Variants in FAM184B observed in about 807,000 individuals in gnomAD.
FAM184B encodes the protein family with sequence similarity 184 member B, also known as protein FAM184B.
A neutral mutation model predicts 135.9 loss-of-function variants in FAM184B; 111 were observed. The ratio of observed to expected loss-of-function variants is 0.82; its 90% CI spans 0.70 to 0.96. The LOEUF (loss-of-function observed/expected upper bound fraction) is 0.96. FAM184B is among the 40% of genes least tolerant of loss of function. FAM184B has a pLI of 0.00. For missense variants in FAM184B, 1,375 were observed against 1,323.9 expected (o/e 1.04, Z -0.60); for synonymous variants, 552 against 524.8 (o/e 1.05, Z -0.71).
At chr4:17,770,849 T>C (rs1411286659) in intron 1 of FAM184B, among the ~76,000 whole-genome samples, 1 of 152,190 alleles carries the variant, frequency 6.6e-6, no homozygotes, top group Non-Finnish European at 1.5e-5. Context: ...ATAATTCTCA[T>C]ACCAGGAGAT....
chr4:17,647,874 G>C (rs923273367), intron 11 of FAM184B, 83 bp from the exon 12 acceptor site: 1 of 1,410,112 alleles, frequency 7.1e-7, no homozygotes, highest in African/African-American at 1.4e-5. Context: ...TCTGGGGTGG[G>C]GTTGGATGAC....
intron 1 of FAM184B, among the ~76,000 whole-genome samples, chr4:17,739,885 T>C (rs1438360096): frequency 1.3e-5 from 2 of 152,120 alleles, no homozygotes; most frequent in Non-Finnish European, 2.9e-5. Flanking sequence ...TGTCTACATC[T>C]GGACTTCTTT....
chr4:17,730,846 T>A (rs1430882187), intron 1 of FAM184B, among the ~76,000 whole-genome samples: 4 of 151,722 alleles, frequency 2.6e-5, no homozygotes, highest in African/African-American at 9.7e-5. Context: ...TGAAAAAAAA[T>A]TAGATGATTG....
At chr4:17,695,034 C>A (rs866721704) in intron 5 of FAM184B, among the ~76,000 whole-genome samples, 1 of 152,114 alleles carries the variant, frequency 6.6e-6, no homozygotes, top group African/African-American at 2.4e-5. Flanking sequence ...AGAGGAGCTG[C>A]CATGGCTAGA....
Position 17,781,467 on chromosome 4 carries a change from C to T in FAM184B, c.-168G>A, listed in dbSNP as rs542509496. The T allele has an allele frequency of 7.3e-5, 56 of 767,454 alleles. No homozygotes were observed. In the African/African-American group the frequency reaches 9.8e-4, roughly 13 times the overall value. The allele number at this position is 767,454 out of a possible 1,614,324, so 47.5% of individuals were successfully genotyped here. A position where few individuals can be genotyped will look rare whatever the true frequency, so the allele number is the denominator to read the frequency against. ...CCCAGCTTCCCGAAGGTCTCCGCCT[C>T]CCGGGCCCACCCGCGCGCCCACCCT... is the stretch of plus-strand genomic sequence containing the variant. On this transcript the variant is annotated 5_prime_UTR_variant, in exon 1 of 18. Transcript: ENST00000265018. This position sits in a 1 kb window ranked among gnomAD's most constrained non-coding sequence, Gnocchi z 6.5.
At chr4:17,653,620 C>A (rs1715694092) in intron 10 of FAM184B, among the ~76,000 whole-genome samples, 1 of 152,078 alleles carries the variant, frequency 6.6e-6, no homozygotes, top group African/African-American at 2.4e-5. Context: ...GTGTGTCAAA[C>A]ACCCAAAGCA....
chr4:17,701,371 A>C (rs1398416803), intron 5 of FAM184B, among the ~76,000 whole-genome samples: 4 of 152,194 alleles, frequency 2.6e-5, no homozygotes, highest in African/African-American at 9.7e-5. Context: ...ATCCAACTTT[A>C]GTTGTGTTCT....
chr4:17,781,284 T>C lies in FAM184B; in HGVS notation c.16A>G (p.Asn6Asp), dbSNP rs1373300957. Residue 6 changes from asparagine (N) to aspartate (D), a missense_variant, in exon 1 of 18, where the codon AAC (asparagine) becomes GAC (aspartate). Physicochemically the swap from Asn to Asp is conservative, Grantham distance 23. Transcript: ENST00000265018. The surrounding 1 kb of genome is among the most constrained non-coding windows in gnomAD (Gnocchi z 6.5). The stretch of plus-strand genomic sequence containing the variant: ...GTGCCGGGCGGGTTAATTTTGCTGT[T>C]GAGAGCAGAAGCCATCGCTAAAACG... MASAL[N>D]SKINPPGTCQ... 2.7e-5 allele frequency: 42 copies of C among 1,548,088 alleles called. No individual in the cohort carries two copies. Among genetic ancestry groups the C allele is most frequent in the Non-Finnish European group, 3.5e-5 (40 of 1,145,070 alleles).
Position 17,630,313 on chromosome 4 carries a change from G to T in FAM184B, c.*2219C>A, listed in dbSNP as rs1714886182. ...TCATATGTTGGAACCTAATGTCAAT[G>T]TAATAGTATTAAGAGGTGGGGCTTT... On this transcript the variant is annotated 3_prime_UTR_variant, in exon 18 of 18. Transcript: ENST00000265018. 6.6e-6 allele frequency: 1 copy of T among 152,214 alleles called. No individual in the cohort carries two copies. Among genetic ancestry groups the T allele is most frequent in the Non-Finnish European group, 1.5e-5 (1 of 68,052 alleles). 9.4% of individuals were successfully genotyped at this position (152,214 alleles called of 1,614,324 possible). A position where few individuals can be genotyped will look rare whatever the true frequency, so the allele number is the denominator to read the frequency against.
At chr4:17,730,537 G>A (rs1237125150) in intron 1 of FAM184B, among the ~76,000 whole-genome samples, 1 of 152,200 alleles carries the variant, frequency 6.6e-6, no homozygotes, top group African/African-American at 2.4e-5. Flanking sequence ...TACCCACAAA[G>A]GGAAGCCCAT....
At chr4:17,685,511 T>C (rs1242167055) in intron 7 of FAM184B, among the ~76,000 whole-genome samples, 1 of 142,720 alleles carries the variant, frequency 7.0e-6, no homozygotes, top group Non-Finnish European at 1.5e-5. Context: ...ATCATGCCAT[T>C]GCACTCCAGC....
At chr4:17,758,668 G>T (rs1467732798) in intron 1 of FAM184B, among the ~76,000 whole-genome samples, 2 of 152,212 alleles carry the variant, frequency 1.3e-5, no homozygotes, top group Admixed American at 1.3e-4. Flanking sequence ...AGAAAAAGAG[G>T]TGATAAATAA....
At position 17,635,003 on chromosome 4, in the gene FAM184B, A is replaced by G. The variant is rs1410688651; in HGVS notation, c.2889+6T>C. On this transcript the variant is annotated splice_donor_region_variant and intron_variant, in intron 16 of 17. Transcript: ENST00000265018. ...TAATGCATTAAAACCATTAGAACCA[A>G]TTTACCTTCATGGAAGGGGTCAAAT... is the stretch of plus-strand genomic sequence containing the variant. The G allele has an allele frequency of 5.2e-6, 8 of 1,548,524 alleles. No individual in the cohort carries two copies. Among genetic ancestry groups the G allele is most frequent in the South Asian group, 1.2e-5 (1 of 83,978 alleles).
intron 1 of FAM184B, among the ~76,000 whole-genome samples, chr4:17,771,695 A>G (rs547680945): frequency 1.3e-5 from 2 of 152,266 alleles, no homozygotes; most frequent in African/African-American, 4.8e-5. Context: ...GAGGACTCTC[A>G]TGGCAACAGG....
At chr4:17,654,182 T>C (rs1715725623) in intron 10 of FAM184B, among the ~76,000 whole-genome samples, 1 of 151,352 alleles carries the variant, frequency 6.6e-6, no homozygotes, top group Non-Finnish European at 1.5e-5. Flanking sequence ...AGGAAACTAA[T>C]ATAGTTTCTG....
Position 17,709,410 on chromosome 4 carries a change from TG to T in FAM184B, c.375del (p.Cys125Ter). On this transcript the variant is annotated frameshift_variant, in exon 2 of 18. Coordinates refer to ENST00000265018, the MANE Select transcript of FAM184B (RefSeq NM_015688.2). LOFTEE classifies it high-confidence loss of function. ...AGCTCTCTCTCCTTCGTCTCCAGCC[TG>T]CACGAGGCCGACTCAGCCAGCGCCT... ...TEEALAESASCRLETKERELR... is the reference protein window; with the variant it reads ...TEEALAESASXRLETKERELR... The T allele has an allele frequency of 6.6e-7, 1 of 1,518,550 alleles. No homozygotes were observed. The highest frequency in any genetic ancestry group is 2.5e-5 in the East Asian group (1 of 40,456). The allele number at this position is 1,518,550 out of a possible 1,614,324, so 94.1% of individuals were successfully genotyped here.
chr4:17,704,789 C>T (rs574018876), intron 5 of FAM184B, among the ~76,000 whole-genome samples: 1 of 152,306 alleles, frequency 6.6e-6, no homozygotes, highest in South Asian at 2.1e-4. Flanking sequence ...CTCCAAAAGA[C>T]CCTGAACTCC....
intron 1 of FAM184B, among the ~76,000 whole-genome samples, chr4:17,751,927 C>T (rs1718303570): frequency 6.8e-6 from 1 of 146,928 alleles, no homozygotes; most frequent in African/African-American, 2.5e-5. Flanking sequence ...AACTCTAGTT[C>T]AGGAACCCAC....
rs113883480 is a variant in FAM184B, at chr4:17,637,098, C to G, written c.2667-453G>C. ...CTGCAGTGCAATGGCGCGGTCTCGG[C>G]TCTCTGCAACCTCCGCCTCCCTGGT... On this transcript the variant is annotated intron_variant, in intron 14 of 17. Transcript: ENST00000265018. 3.7e-3 allele frequency among the ~76,000 whole-genome samples: 565 copies of G among 152,266 alleles called. 7 individuals carry two copies. The highest frequency in any genetic ancestry group is 0.026 in the South Asian group (127 of 4,820).
Sources: allele counts gnomAD v4.1 joint callset (sites outside exome capture counted in the v4.1 genomes callset), GRCh38; gene constraint gnomAD v4.1.1; non-coding constraint Gnocchi (gnomAD v3.1); transcripts MANE v1.5; gene names NCBI Gene and HGNC (gene_info 2026-07-23, HGNC 2026-07-21).